Variants in PTPRM observed in about 807,000 individuals in gnomAD.
The protein encoded by PTPRM is protein tyrosine phosphatase receptor type M.
In PTPRM, 47 loss-of-function variants were observed where a neutral mutation model predicts 186.7. That is an observed-to-expected ratio of 0.25 (90% CI 0.20 to 0.32). PTPRM has a LOEUF of 0.32. Among genes scored for constraint, PTPRM ranks in the 10% least tolerant of loss-of-function variants. The pLI is 1.00. For synonymous variants in PTPRM, 668 were observed against 674.9 expected (o/e 0.99, Z 0.16); for missense variants, 1,494 against 1,865.0 (o/e 0.80, Z 3.66).
At chr18:7,781,149 A>G (rs1483296441) in intron 2 of PTPRM, among the ~76,000 whole-genome samples, 2 of 152,188 alleles carry the variant, frequency 1.3e-5, no homozygotes, top group Non-Finnish European at 2.9e-5. Context: ...TGACTCAGCT[A>G]AATGGGCAGC....
chr18:8,032,924 G>GT (rs2086081734), intron 7 of PTPRM, among the ~76,000 whole-genome samples: 1 of 151,852 alleles, frequency 6.6e-6, no homozygotes, highest in South Asian at 2.1e-4. Flanking sequence ...AACAGATGAA[G>GT]CCTTGGAAGT....
rs78931029 is a variant in PTPRM at position 8,091,580 on chromosome 18, C to A, written c.1856+2729C>A. 0.018 allele frequency among the ~76,000 whole-genome samples: 2,610 copies of A among 144,344 alleles called. 53 individuals carry two copies. In the Middle Eastern group the frequency reaches 0.19, roughly 11 times the overall value. The allele number at this position is 144,344 out of a possible 152,430, so 94.7% of individuals were successfully genotyped here. Reference sequence around the variant, plus strand: ...AGGAAATTATTTCAACCTCACCTGTCGAAAAGATTTTTTTTTTTTTTTTTG... The same window carrying A: ...AGGAAATTATTTCAACCTCACCTGTAGAAAAGATTTTTTTTTTTTTTTTTG... On this transcript the variant is annotated intron_variant, in intron 11 of 32. Coordinates refer to ENST00000580170, the MANE Select transcript of PTPRM (RefSeq NM_001105244.2).
intron 14 of PTPRM, among the ~76,000 whole-genome samples, chr18:8,240,502 GAAGGAAGGA>G (rs2094406533): frequency 6.3e-5 from 2 of 31,836 alleles, no homozygotes; most frequent in African/African-American, 1.7e-4. Flanking sequence ...AGAGAGAGAG[GAAGGAAGGA>G]AGGAAGGAAG....
Position 7,608,333 on chromosome 18 carries a change from A to G in PTPRM, c.73+40442A>G, listed in dbSNP as rs541229500. Among the ~76,000 whole-genome samples the G allele has an allele frequency of 3.9e-4, 59 of 152,358 alleles. 1 individual carries two copies. The highest frequency in any genetic ancestry group is 1.4e-3 in the African/African-American group (59 of 41,576). ...ACACAGATTCAAATACAGCTTGTCC[A>G]GAACAAAGACGGTTTCTACTAATTT... On this transcript the variant is annotated intron_variant, in intron 1 of 32. Coordinates refer to ENST00000580170, the MANE Select transcript of PTPRM (RefSeq NM_001105244.2).
intron 7 of PTPRM, among the ~76,000 whole-genome samples, chr18:8,043,049 T>C (rs927966058): frequency 1.4e-4 from 22 of 152,192 alleles, no homozygotes; most frequent in African/African-American, 5.3e-4. Context: ...CTGGGCTCAG[T>C]AGGCATAATC....
intron 14 of PTPRM, among the ~76,000 whole-genome samples, chr18:8,195,859 A>C (rs1269555417): frequency 6.6e-6 from 1 of 152,230 alleles, no homozygotes; most frequent in Non-Finnish European, 1.5e-5. Context: ...CCATGTAACA[A>C]AAATACACTT....
chr18:7,576,468 G>GT (rs1491004521), intron 1 of PTPRM, among the ~76,000 whole-genome samples: 5 of 151,966 alleles, frequency 3.3e-5, no homozygotes, highest in African/African-American at 1.2e-4. Context: ...TATAGTCTGT[G>GT]TTTTTTTGAT....
intron 1 of PTPRM, among the ~76,000 whole-genome samples, chr18:7,738,601 ATT>A (rs35691659): frequency 1.4e-5 from 2 of 141,680 alleles, no homozygotes; most frequent in Non-Finnish European, 1.5e-5. Context: ...ACACCCGGCT[ATT>A]TTTTTTTTTT....
chr18:7,783,332 C>T (rs2042944270), intron 2 of PTPRM, among the ~76,000 whole-genome samples: 1 of 152,014 alleles, frequency 6.6e-6, no homozygotes, highest in African/African-American at 2.4e-5. Context: ...CTGGGCAGGG[C>T]CAATTTACTG....
intron 19 of PTPRM, 67 bp from the exon 20 acceptor site, chr18:8,296,301 C>A: frequency 1.0e-6 from 1 of 984,352 alleles, no homozygotes; most frequent in East Asian, 2.4e-5. Context: ...TTAAGAACAT[C>A]CTCCATCGTT....
intron 2 of PTPRM, among the ~76,000 whole-genome samples, chr18:7,859,721 G>A (rs765276247): frequency 1.3e-5 from 2 of 152,226 alleles, no homozygotes; most frequent in African/African-American, 2.4e-5. Context: ...TGCAAACATT[G>A]ATGGTTGAAG....
chr18:8,160,952 C>CTT (rs2093219032), intron 14 of PTPRM, among the ~76,000 whole-genome samples: 1 of 152,174 alleles, frequency 6.6e-6, no homozygotes. Flanking sequence ...GTTCTTTGTT[C>CTT]TTTATCCTTT....
chr18:8,405,615 C>G (rs1184892988), intron 32 of PTPRM, among the ~76,000 whole-genome samples: 1 of 152,228 alleles, frequency 6.6e-6, no homozygotes, highest in Non-Finnish European at 1.5e-5. Context: ...GGTCAAGGGG[C>G]TTGGTATTCA....
At chr18:8,236,889 C>T (rs2094351646) in intron 14 of PTPRM, among the ~76,000 whole-genome samples, 1 of 152,188 alleles carries the variant, frequency 6.6e-6, no homozygotes, top group African/African-American at 2.4e-5. Context: ...TTATTGATAA[C>T]ATTGGATATC....
At chr18:7,888,489 G>A (rs2048898949) in intron 3 of PTPRM, 112 bp downstream of exon 3, 2 of 1,278,976 alleles carry the variant, frequency 1.6e-6, no homozygotes, top group African/African-American at 3.0e-5. Flanking sequence ...TGTTGGCAAG[G>A]TTGTGGAGAA....
intron 1 of PTPRM, among the ~76,000 whole-genome samples, chr18:7,633,942 T>C (rs539079834): frequency 6.6e-6 from 1 of 152,270 alleles, no homozygotes; most frequent in South Asian, 2.1e-4. Flanking sequence ...TGGTCTAGTC[T>C]GACCATTCCA....
At chr18:7,959,994 A>G (rs987399686) in intron 7 of PTPRM, among the ~76,000 whole-genome samples, 6 of 152,326 alleles carry the variant, frequency 3.9e-5, no homozygotes, top group Middle Eastern at 3.4e-3. Context: ...TTCTCAAATT[A>G]TGTGCAGCCT....
In PTPRM at chr18:7,940,694, C is replaced by T. The variant is rs181629723; in HGVS notation, c.664-8487C>T. ...ACTGGGTGTGTGCCTTCTCGGTGGT[C>T]GTTCTTAGTACCTTAGCCTGTACTC... On this transcript the variant is annotated intron_variant, in intron 5 of 32. Coordinates refer to ENST00000580170, the MANE Select transcript of PTPRM (RefSeq NM_001105244.2). Among the ~76,000 whole-genome samples the T allele has an allele frequency of 4.0e-5, 6 of 151,654 alleles. No individual in the cohort carries two copies. In the East Asian group the frequency reaches 7.8e-4, roughly 20 times the overall value.
chr18:7,857,949 TTCTTCTTAA>T, intron 2 of PTPRM, among the ~76,000 whole-genome samples: 3 of 152,312 alleles, frequency 2.0e-5, no homozygotes, highest in Non-Finnish European at 2.9e-5. Context: ...TTTAATGGCT[TTCTTCTTAA>T]GTGCTATTAG....
Sources: gnomAD v4.1 joint callset for allele counts (sites outside exome capture counted in the v4.1 genomes callset) on GRCh38, gnomAD v4.1.1 for gene constraint, MANE v1.5 for transcripts, NCBI Gene and HGNC (gene_info 2026-07-23, HGNC 2026-07-21) for gene names.